Variants in CUBN observed in about 807,000 individuals in gnomAD.
CUBN encodes cubilin.
Under a neutral mutation model 405.3 loss-of-function variants are expected in CUBN, and 282 were observed. That is an observed-to-expected ratio of 0.70 (90% CI 0.63 to 0.77). The LOEUF is 0.77. Among genes scored for constraint, CUBN ranks in the 30% least tolerant of loss-of-function variants. CUBN has a pLI of 0.00. For missense variants in CUBN, 4,514 were observed against 4,475.2 expected, an observed-to-expected ratio of 1.01 and a Z score of -0.25; for synonymous variants, 1,684 against 1,617.0, an observed-to-expected ratio of 1.04 and a Z score of -0.99.
chr10:16,908,127 T>C (rs1011464086), intron 48 of CUBN, among the ~76,000 whole-genome samples: 2 of 152,194 alleles, frequency 1.3e-5, no homozygotes, highest in African/African-American at 4.8e-5. Context: ...CAGATATTTT[T>C]CTTTATTTAC....
chr10:16,963,891 G>A (rs1843313993), intron 31 of CUBN, among the ~76,000 whole-genome samples: 1 of 152,152 alleles, frequency 6.6e-6, no homozygotes, highest in Admixed American at 6.6e-5. Flanking sequence ...TGCATATAAT[G>A]AAAAAACTAT....
Position 16,937,678 on chromosome 10 carries a change from G to T in CUBN, c.5840C>A (p.Ser1947Tyr), listed in dbSNP as rs147617753. 3.9e-4 allele frequency: 629 copies of T among 1,614,036 alleles called. 1 individual carries two copies. The highest frequency in any genetic ancestry group is 4.7e-4 in the Non-Finnish European group (559 of 1,179,962). The change falls in exon 39 of 67, where the codon TCC (serine) becomes TAC (tyrosine). Residue 1947 changes from serine (S) to tyrosine (Y), a missense_variant. Transcript: ENST00000377833. ...TCCCTTCCCTGAGATTGAAGAGTCG[G>T]AGTAAAAATGAAATGTCAAAGAATT... is the stretch of plus-strand genomic sequence containing the variant. ...TGNSLTFHFYSDSSISGKGFL... is the reference protein window; with the variant it reads ...TGNSLTFHFYYDSSISGKGFL...
chr10:17,071,389 C>G (rs1835735261), intron 19 of CUBN, 37 bp downstream of exon 19: 2 of 1,598,796 alleles, frequency 1.3e-6, no homozygotes, highest in Non-Finnish European at 1.7e-6. Flanking sequence ...TTATAATATA[C>G]AACCAAATAC....
chr10:16,843,653 A>G (rs1003010729), intron 60 of CUBN, among the ~76,000 whole-genome samples: 1 of 152,180 alleles, frequency 6.6e-6, no homozygotes, highest in African/African-American at 2.4e-5. Flanking sequence ...CATTTATATT[A>G]GCAAGCATTT....
At chr10:16,864,668 T>G (rs554537352) in intron 59 of CUBN, among the ~76,000 whole-genome samples, 1 of 142,666 alleles carries the variant, frequency 7.0e-6, no homozygotes, top group South Asian at 2.1e-4. Flanking sequence ...TTTTTTTTTT[T>G]TTTTTTTAGA....
At chr10:16,996,712 G>T (rs1833745200) in intron 28 of CUBN, among the ~76,000 whole-genome samples, 1 of 152,138 alleles carries the variant, frequency 6.6e-6, no homozygotes, top group Non-Finnish European at 1.5e-5. Flanking sequence ...CTGCTGTATT[G>T]CCCGGCGACT....
intron 39 of CUBN, 137 bp downstream of exon 39, chr10:16,937,454 AC>A: frequency 1.5e-6 from 1 of 685,468 alleles, no homozygotes; most frequent in Non-Finnish European, 2.5e-6. Flanking sequence ...TGAATTTAAA[AC>A]AACATCTGAA....
chr10:16,826,746 T>C (rs1838796476), intron 66 of CUBN, among the ~76,000 whole-genome samples: 1 of 152,216 alleles, frequency 6.6e-6, no homozygotes, highest in African/African-American at 2.4e-5. Context: ...TGACTCGGTT[T>C]ATACTTGTTC....
Position 16,924,218 on chromosome 10 carries a change from A to G in CUBN, c.6646+1023T>C, listed in dbSNP as rs574486427. 3.5e-4 allele frequency among the ~76,000 whole-genome samples: 54 copies of G among 152,320 alleles called. 6 individuals carry two copies. In the South Asian group the frequency reaches 7.0e-3, roughly 20 times the overall value. On this transcript the variant is annotated intron_variant, in intron 43 of 66. Coordinates refer to ENST00000377833, the MANE Select transcript of CUBN (RefSeq NM_001081.4). ...GGTACCAGGTGAAAACTGCCCATTC[A>G]TGACTCAGCTGCAAAGCTCAGCATC...
chr10:17,124,448 A>T (rs1406932245), intron 4 of CUBN, among the ~76,000 whole-genome samples: 1 of 148,216 alleles, frequency 6.7e-6, no homozygotes, highest in Non-Finnish European at 1.5e-5. Flanking sequence ...CTTTTTTTTG[A>T]GACGGAGTCT....
Position 17,129,177 on chromosome 10 carries a change from C to T in CUBN, c.196G>A (p.Gly66Arg), listed in dbSNP as rs12259370. 4.5e-3 allele frequency: 7,214 copies of T among 1,613,334 alleles called. 210 individuals are homozygous for T. In the African/African-American group the frequency reaches 0.071, roughly 16 times the overall value. The change falls in exon 2 of 67, where the codon GGA becomes AGA. Residue 66 changes from glycine (G) to arginine (R), a missense_variant. This residue lies in a region of CUBN where 1,448 missense variants were observed against 1,388.0 expected (regional missense o/e 1.04). Transcript: ENST00000377833. ...TTTAATTTAATTTTTCCCAGGGATC[C>T]GGTTCTAAACTCAATGTTTTGAGCA... is the stretch of plus-strand genomic sequence containing the variant. ...GSAQNIEFRT[G>R]SLGKIKLNDE...
chr10:17,068,547 T>C (rs1588622194), intron 20 of CUBN, 58 bp downstream of exon 20: 2 of 1,379,036 alleles, frequency 1.5e-6, no homozygotes, highest in East Asian at 2.3e-5. Context: ...ATTTCTATCA[T>C]TCACTTATTC....
At chr10:16,843,888 A>C (rs771331257) in intron 60 of CUBN, among the ~76,000 whole-genome samples, 3 of 152,226 alleles carry the variant, frequency 2.0e-5, no homozygotes, top group Non-Finnish European at 4.4e-5. Context: ...AGAGAAAAAT[A>C]AGTGCTACAA....
intron 65 of CUBN, among the ~76,000 whole-genome samples, chr10:16,830,373 C>T (rs903189968): frequency 6.6e-6 from 1 of 152,140 alleles, no homozygotes; most frequent in Non-Finnish European, 1.5e-5. Flanking sequence ...TTCTGTTTAT[C>T]TTTCTTATTT....
At chr10:16,987,027 G>A (rs537958799) in intron 29 of CUBN, among the ~76,000 whole-genome samples, 2 of 152,298 alleles carry the variant, frequency 1.3e-5, no homozygotes, top group East Asian at 3.9e-4. Flanking sequence ...CTTCTTGCAA[G>A]GCTGAGCTCA....
At chr10:17,039,079 T>TC (rs552672458) in intron 27 of CUBN, among the ~76,000 whole-genome samples, 41,077 of 151,902 alleles carry the variant, frequency 0.27, 6,205 homozygotes, top group African/African-American at 0.38. Flanking sequence ...ATCTCTTTCC[T>TC]CCCCCCTCTT....
In CUBN at chr10:16,883,709, T is replaced by C. The variant is rs541726004; in HGVS notation, c.8905+4708A>G. ...TAATCCAAGAGAATTTAGGCAAATA[T>C]TAGGTGTGAATCTGGGCCCACTCCT... On this transcript the variant is annotated intron_variant, in intron 56 of 66. Transcript: ENST00000377833. Among the ~76,000 whole-genome samples, 52 of 152,314 alleles carry C rather than the reference T, an allele frequency of 3.4e-4. No individual in the cohort carries two copies. The South Asian group carries it at 0.011, about 32-fold the overall frequency.
At chr10:16,852,579 CCTT>C (rs1210219875) in intron 59 of CUBN, among the ~76,000 whole-genome samples, 2 of 152,152 alleles carry the variant, frequency 1.3e-5, no homozygotes, top group East Asian at 1.9e-4. Flanking sequence ...TCAGGTGTCT[CCTT>C]CTTATTCACG....
intron 52 of CUBN, 35 bp from the exon 53 acceptor site, chr10:16,900,885 CT>C: frequency 7.3e-7 from 1 of 1,369,520 alleles, no homozygotes. Context: ...TGTCAGTGAG[CT>C]TTTATCAACT....
Sources: gnomAD v4.1 joint callset for allele counts (sites outside exome capture counted in the v4.1 genomes callset) on GRCh38, gnomAD v4.1.1 for gene constraint, gnomAD v4.1.1 regional missense constraint, MANE v1.5 for transcripts, NCBI Gene and HGNC (gene_info 2026-07-23, HGNC 2026-07-21) for gene names.